Variants in ARHGAP15 observed in about 807,000 individuals in gnomAD.
ARHGAP15 encodes the protein rho GTPase-activating protein 15.
ARHGAP15 carries 51 observed loss-of-function variants against 63.7 expected under a neutral mutation model. The observed-to-expected ratio is 0.80, with a 90% confidence interval of 0.64 to 1.01. The LOEUF (loss-of-function observed/expected upper bound fraction) is 1.01. Ranked by LOEUF, ARHGAP15 falls within the 50% of genes least tolerant of loss-of-function variation. The probability of loss-of-function intolerance (pLI) is 0.00; values close to 1 mark genes in which losing one functional copy is unlikely to be tolerated. For missense variants in ARHGAP15, 560 were observed against 564.6 expected (o/e 0.99, Z 0.08); for synonymous variants, 191 against 193.8 (o/e 0.99, Z 0.12).
chr2:143,563,859 T>C (rs1273090694), intron 11 of ARHGAP15: 1 of 152,276 alleles, frequency 6.6e-6, no homozygotes, highest in Non-Finnish European at 1.5e-5. Flanking sequence ...AGAATTGTAC[T>C]GCATATCTCC....
At chr2:143,292,962 A>G (rs766235420) in intron 6 of ARHGAP15, among the ~76,000 whole-genome samples, 1 of 152,048 alleles carries the variant, frequency 6.6e-6, no homozygotes, top group Non-Finnish European at 1.5e-5. Context: ...TACTGATTGT[A>G]ATCAGTTTTC....
intron 11 of ARHGAP15, chr2:143,607,601 A>G (rs1034275713): frequency 6.6e-6 from 1 of 151,580 alleles, no homozygotes; most frequent in Non-Finnish European, 1.5e-5. Flanking sequence ...TCATTTGTGA[A>G]TTGCAAAGCT....
chr2:143,227,718 C>T lies in ARHGAP15; in HGVS notation c.297-863C>T, dbSNP rs556395007. ...GGGTTCATTATTCCATTATATGGAC[C>T]TATTATATGCAATTTATTTAACCTA... is the stretch of plus-strand genomic sequence containing the variant. On this transcript the variant is annotated intron_variant, in intron 4 of 13. Transcript: ENST00000295095. Among the ~76,000 whole-genome samples, 118 of 152,120 alleles carry T rather than the reference C, an allele frequency of 7.8e-4. 1 individual carries two copies. Among genetic ancestry groups the T allele is most frequent in the African/African-American group, 2.8e-3 (115 of 41,496 alleles).
At chr2:143,297,775 T>C (rs1324321980) in intron 6 of ARHGAP15, among the ~76,000 whole-genome samples, 1 of 152,016 alleles carries the variant, frequency 6.6e-6, no homozygotes, top group Non-Finnish European at 1.5e-5. Context: ...AATAAAGTGC[T>C]ATATTCCAGG....
At chr2:143,215,279 C>CTTGT (rs34726457) in intron 3 of ARHGAP15, among the ~76,000 whole-genome samples, 26,248 of 151,936 alleles carry the variant, frequency 0.17, 2,452 homozygotes, top group Middle Eastern at 0.25. Context: ...TGGTTTTCTT[C>CTTGT]TTATTTTTTG....
At chr2:143,628,529 C>G (rs984132762) in intron 12 of ARHGAP15, among the ~76,000 whole-genome samples, 3 of 152,186 alleles carry the variant, frequency 2.0e-5, no homozygotes, top group African/African-American at 7.2e-5. Flanking sequence ...TCACCCTTGC[C>G]ACCCATCTGC....
intron 4 of ARHGAP15, among the ~76,000 whole-genome samples, chr2:143,218,277 CT>C (rs762494225): frequency 0.028 from 2,584 of 92,052 alleles, 14 homozygotes; most frequent in Non-Finnish European, 0.034. Flanking sequence ...TTTAGTTTTC[CT>C]TTTTTTTTTT....
chr2:143,469,186 C>T (rs750685555), intron 8 of ARHGAP15, among the ~76,000 whole-genome samples: 1 of 152,036 alleles, frequency 6.6e-6, no homozygotes, highest in Non-Finnish European at 1.5e-5. Context: ...AACCTGTAGT[C>T]GACCCATTCA....
chr2:143,638,039 T>C (rs1680410899), intron 12 of ARHGAP15, among the ~76,000 whole-genome samples: 1 of 147,384 alleles, frequency 6.8e-6, no homozygotes, highest in Non-Finnish European at 1.5e-5. Flanking sequence ...AGGAACACTT[T>C]TACACTGTTG....
At chr2:143,247,485 G>A (rs891393262) in intron 5 of ARHGAP15, 1 of 152,090 alleles carries the variant, frequency 6.6e-6, no homozygotes, top group Non-Finnish European at 1.5e-5. Flanking sequence ...AGCCCTATTG[G>A]GTTAATAAGG....
At chr2:143,144,490 GC>G (rs1176621754) in intron 1 of ARHGAP15, among the ~76,000 whole-genome samples, 24 of 151,974 alleles carry the variant, frequency 1.6e-4, no homozygotes, top group African/African-American at 5.6e-4. Flanking sequence ...AAGCACTCTT[GC>G]ACTCAAAGTT....
intron 3 of ARHGAP15, among the ~76,000 whole-genome samples, chr2:143,210,321 G>T (rs1204539251): frequency 6.6e-6 from 1 of 151,266 alleles, no homozygotes; most frequent in Non-Finnish European, 1.5e-5. Flanking sequence ...ACAGAACCTG[G>T]ATTCCTTGGT....
intron 6 of ARHGAP15, among the ~76,000 whole-genome samples, chr2:143,274,056 A>T (rs941338928): frequency 6.6e-6 from 1 of 152,144 alleles, no homozygotes; most frequent in East Asian, 1.9e-4. Flanking sequence ...TGTAATCACT[A>T]CTTATCCTTT....
At chr2:143,348,897 AAATT>A (rs1162335287) in intron 6 of ARHGAP15, among the ~76,000 whole-genome samples, 6 of 152,178 alleles carry the variant, frequency 3.9e-5, no homozygotes, top group African/African-American at 1.4e-4. Context: ...TGGGAAAAGT[AAATT>A]AAGTCAGAAG....
chr2:143,391,792 G>A (rs1687548079), intron 6 of ARHGAP15, among the ~76,000 whole-genome samples: 1 of 152,142 alleles, frequency 6.6e-6, no homozygotes, highest in African/African-American at 2.4e-5. Flanking sequence ...GTGGTAAACT[G>A]AAATTGTATA....
At chr2:143,626,540 A>G (rs1376266369) in intron 12 of ARHGAP15, among the ~76,000 whole-genome samples, 1 of 152,142 alleles carries the variant, frequency 6.6e-6, no homozygotes, top group Non-Finnish European at 1.5e-5. Context: ...AAGCTTCCAC[A>G]GCATGGAAGG....
At chr2:143,640,591 C>A (rs2105271552) in intron 12 of ARHGAP15, among the ~76,000 whole-genome samples, 1 of 152,188 alleles carries the variant, frequency 6.6e-6, no homozygotes, top group East Asian at 1.9e-4. Context: ...AGTCTTTTGA[C>A]CAGGCTAATG....
At chr2:143,634,868 T>C (rs1680224146) in intron 12 of ARHGAP15, among the ~76,000 whole-genome samples, 1 of 152,052 alleles carries the variant, frequency 6.6e-6, no homozygotes, top group Admixed American at 6.6e-5. Flanking sequence ...AACTTACGCC[T>C]TTATCATAAC....
At chr2:143,159,214 T>A (rs140104398) in intron 2 of ARHGAP15, among the ~76,000 whole-genome samples, 1 of 151,878 alleles carries the variant, frequency 6.6e-6, no homozygotes, top group African/African-American at 2.4e-5. Flanking sequence ...TCCTTTTACT[T>A]CCATTAACAG....
Sources: gnomAD v4.1 joint callset for allele counts (sites outside exome capture counted in the v4.1 genomes callset) on GRCh38, gnomAD v4.1.1 for gene constraint, MANE v1.5 for transcripts, NCBI Gene and HGNC (gene_info 2026-07-23, HGNC 2026-07-21) for gene names.